The following MEF2A variants were observed in gnomAD, a reference collection of about 807,000 sequenced individuals.
MEF2A encodes the protein myocyte-specific enhancer factor 2A.
In MEF2A, 28 loss-of-function variants were observed where a neutral mutation model predicts 55.8. That is an observed-to-expected ratio of 0.50 (90% CI 0.37 to 0.69). The LOEUF (loss-of-function observed/expected upper bound fraction) is 0.69. Among genes scored for constraint, MEF2A ranks in the 30% least tolerant of loss-of-function variants. The pLI, the probability that MEF2A is intolerant of heterozygous loss-of-function variation, is 0.00. For missense variants in MEF2A, 528 were observed against 626.2 expected (o/e 0.84, Z 1.67); for synonymous variants, 239 against 227.1 (o/e 1.05, Z -0.47).
intron 3 of MEF2A, among the ~76,000 whole-genome samples, chr15:99,633,485 A>C (rs1335345849): frequency 2.6e-5 from 4 of 152,124 alleles, no homozygotes; most frequent in African/African-American, 9.7e-5. Flanking sequence ...TTGATTATAT[A>C]TTTGACTGTT....
At chr15:99,585,598 ATAAGAATGTCAT>A (rs1567164808) in intron 1 of MEF2A, among the ~76,000 whole-genome samples, 1 of 152,216 alleles carries the variant, frequency 6.6e-6, no homozygotes, top group Admixed American at 6.5e-5. Flanking sequence ...CGACTTTTCA[ATAAGAATGTCAT>A]TAAGAAATTA....
chr15:99,606,268 C>T lies in MEF2A; in HGVS notation c.-143+7757C>T, dbSNP rs980404303. Among the ~76,000 whole-genome samples, 7 of 151,924 alleles carry T rather than the reference C, an allele frequency of 4.6e-5. No homozygotes were observed. In the East Asian group the frequency reaches 1.4e-3, roughly 29 times the overall value. On this transcript the variant is annotated intron_variant, in intron 2 of 11. Coordinates refer to ENST00000557942, the MANE Select transcript of MEF2A (RefSeq NM_001319206.4). ...TTTAAGAATGATTCGTATATTTCAACATGAAAGACAAAACTGAAACTTTTG... is the reference window on the plus strand; with the variant it reads ...TTTAAGAATGATTCGTATATTTCAATATGAAAGACAAAACTGAAACTTTTG...
At chr15:99,710,386 G>A (rs1309220850) in intron 10 of MEF2A, among the ~76,000 whole-genome samples, 1 of 152,178 alleles carries the variant, frequency 6.6e-6, no homozygotes, top group Non-Finnish European at 1.5e-5. Flanking sequence ...GGGACTACAG[G>A]CATGCGCCAC....
At chr15:99,589,589 G>A (rs554459085) in intron 1 of MEF2A, among the ~76,000 whole-genome samples, 6 of 152,032 alleles carry the variant, frequency 3.9e-5, no homozygotes, top group Middle Eastern at 3.4e-3. Context: ...AGTTTGGAAC[G>A]CTGTTAAACC....
At chr15:99,648,342 C>T (rs2153497264) in intron 4 of MEF2A, among the ~76,000 whole-genome samples, 1 of 152,188 alleles carries the variant, frequency 6.6e-6, no homozygotes, top group Admixed American at 6.5e-5. Context: ...GAAGAATATT[C>T]TTCCTACCCA....
At chr15:99,662,156 A>G (rs2048762067) in intron 4 of MEF2A, among the ~76,000 whole-genome samples, 1 of 152,162 alleles carries the variant, frequency 6.6e-6, no homozygotes, top group Non-Finnish European at 1.5e-5. Flanking sequence ...TATTAACTGT[A>G]AAGGTGGGAG....
intron 1 of MEF2A, among the ~76,000 whole-genome samples, chr15:99,579,806 G>T (rs1040304396): frequency 6.6e-6 from 1 of 152,220 alleles, no homozygotes; most frequent in African/African-American, 2.4e-5. Flanking sequence ...TTGTTTCAAT[G>T]GTTGGAGAAG....
chr15:99,657,038 A>T (rs1038806870), intron 4 of MEF2A, among the ~76,000 whole-genome samples: 1 of 152,112 alleles, frequency 6.6e-6, no homozygotes, highest in African/African-American at 2.4e-5. Flanking sequence ...TGGGAATTTG[A>T]TATAGATGGA....
At chr15:99,705,151 G>A (rs2057881917) in intron 9 of MEF2A, among the ~76,000 whole-genome samples, 1 of 152,222 alleles carries the variant, frequency 6.6e-6, no homozygotes, top group Non-Finnish European at 1.5e-5. Flanking sequence ...CAGAAGGACA[G>A]GTGCCCTGGG....
At chr15:99,676,771 C>A (rs948888195) in intron 7 of MEF2A, among the ~76,000 whole-genome samples, 1 of 151,950 alleles carries the variant, frequency 6.6e-6, no homozygotes, top group Admixed American at 6.6e-5. Context: ...GGAGTTTCAC[C>A]GTGTTAGCCA....
intron 7 of MEF2A, among the ~76,000 whole-genome samples, chr15:99,680,835 G>A (rs556482861): frequency 2.3e-4 from 35 of 152,238 alleles, no homozygotes; most frequent in African/African-American, 7.7e-4. Context: ...TATTAATACA[G>A]TTACCTCTAC....
chr15:99,667,769 A>G (rs537355796), intron 4 of MEF2A, among the ~76,000 whole-genome samples: 1 of 152,296 alleles, frequency 6.6e-6, no homozygotes, highest in East Asian at 1.9e-4. Flanking sequence ...ATCTACAAAC[A>G]CAAATTATTT....
intron 7 of MEF2A, among the ~76,000 whole-genome samples, chr15:99,688,713 C>T (rs1248017496): frequency 1.3e-5 from 2 of 152,040 alleles, no homozygotes; most frequent in Non-Finnish European, 1.5e-5. Flanking sequence ...GCCGAGATCG[C>T]GCTGCTGCAC....
At chr15:99,711,026 A>G (rs1372012199) in intron 11 of MEF2A, among the ~76,000 whole-genome samples, 1 of 152,226 alleles carries the variant, frequency 6.6e-6, no homozygotes, top group Non-Finnish European at 1.5e-5. Context: ...AGACTCAACC[A>G]GGATCTGAAG....
chr15:99,693,435 ACAG>A (rs1314106731), intron 8 of MEF2A, among the ~76,000 whole-genome samples: 7 of 152,008 alleles, frequency 4.6e-5, no homozygotes, highest in Non-Finnish European at 7.4e-5. Flanking sequence ...ACACACACAC[ACAG>A]ATGTATGCAC....
At chr15:99,609,492 T>C (rs1815852368) in intron 2 of MEF2A, among the ~76,000 whole-genome samples, 1 of 152,214 alleles carries the variant, frequency 6.6e-6, no homozygotes, top group South Asian at 2.1e-4. Context: ...TGTTATCGAA[T>C]CCTTTCTTTA....
intron 2 of MEF2A, among the ~76,000 whole-genome samples, chr15:99,614,277 A>T (rs1253711901): frequency 6.6e-6 from 1 of 151,914 alleles, no homozygotes; most frequent in Non-Finnish European, 1.5e-5. Flanking sequence ...TTTTTTGGAG[A>T]TGAGGTCTCA....
chr15:99,698,195 T>G (rs1028252224), intron 8 of MEF2A, among the ~76,000 whole-genome samples: 1 of 152,188 alleles, frequency 6.6e-6, no homozygotes, highest in Non-Finnish European at 1.5e-5. Flanking sequence ...AGGTTGAACT[T>G]AAGTTTTGCT....
chr15:99,574,719 A>C (rs1963698566), intron 1 of MEF2A, among the ~76,000 whole-genome samples: 1 of 152,042 alleles, frequency 6.6e-6, no homozygotes, highest in Non-Finnish European at 1.5e-5. Flanking sequence ...ATGAAGGTTC[A>C]CTCACTGGCA....
Sources: gnomAD v4.1 joint callset for allele counts (sites outside exome capture counted in the v4.1 genomes callset) on GRCh38, gnomAD v4.1.1 for gene constraint, MANE v1.5 for transcripts, NCBI Gene and HGNC (gene_info 2026-07-23, HGNC 2026-07-21) for gene names.